The following CSMD3 variants were observed in gnomAD, a reference collection of about 807,000 sequenced individuals.
CSMD3 encodes the protein CUB and sushi domain-containing protein 3.
Under a neutral mutation model 435.2 loss-of-function variants are expected in CSMD3, and 177 were observed. That is an observed-to-expected ratio of 0.41 (90% CI 0.36 to 0.46). The LOEUF is 0.46. CSMD3 is among the 20% of genes least tolerant of loss of function. The probability of loss-of-function intolerance (pLI) is 0.34; values close to 1 mark genes in which losing one functional copy is unlikely to be tolerated. For missense variants in CSMD3, 4,265 were observed against 4,504.6 expected (o/e 0.95, Z 1.52); for synonymous variants, 1,656 against 1,520.5 (o/e 1.09, Z -2.07).
At chr8:113,242,155 T>A (rs919875486) in intron 3 of CSMD3, among the ~76,000 whole-genome samples, 1 of 151,792 alleles carries the variant, frequency 6.6e-6, no homozygotes, top group Admixed American at 6.6e-5. Flanking sequence ...AAATGATGAA[T>A]GCCAATAAAA....
chr8:112,411,308 A>G (rs1054459966), intron 32 of CSMD3, among the ~76,000 whole-genome samples: 8 of 151,890 alleles, frequency 5.3e-5, no homozygotes, highest in East Asian at 3.9e-4. Flanking sequence ...TTAAGTGTTA[A>G]TAATTTGTGC....
intron 12 of CSMD3, among the ~76,000 whole-genome samples, chr8:112,808,406 C>G (rs1275828268): frequency 6.6e-6 from 1 of 152,048 alleles, no homozygotes; most frequent in Non-Finnish European, 1.5e-5. Flanking sequence ...GAGAGCCGGA[C>G]AGACTCCATT....
At chr8:112,718,522 T>C (rs2076785822) in intron 13 of CSMD3, among the ~76,000 whole-genome samples, 2 of 150,238 alleles carry the variant, frequency 1.3e-5, no homozygotes, top group African/African-American at 4.9e-5. Flanking sequence ...TATGTATATA[T>C]ATATATATAT....
At chr8:112,419,063 A>G (rs1454451059) in intron 32 of CSMD3, among the ~76,000 whole-genome samples, 1 of 152,176 alleles carries the variant, frequency 6.6e-6, no homozygotes, top group East Asian at 1.9e-4. Flanking sequence ...AGTCTCATGC[A>G]TAAGGGATGA....
intron 3 of CSMD3, among the ~76,000 whole-genome samples, chr8:113,216,435 G>A (rs1216768333): frequency 1.3e-5 from 2 of 151,892 alleles, no homozygotes; most frequent in Non-Finnish European, 2.9e-5. Context: ...TGAGGTATGA[G>A]TGATGTTGTC....
chr8:112,378,592 T>C (rs1829177072), intron 38 of CSMD3, among the ~76,000 whole-genome samples: 1 of 152,236 alleles, frequency 6.6e-6, no homozygotes, highest in East Asian at 1.9e-4. Flanking sequence ...TTCTCACGCA[T>C]AGGTGGAAGC....
At chr8:112,891,963 T>C (rs920267492) in intron 10 of CSMD3, among the ~76,000 whole-genome samples, 2 of 151,492 alleles carry the variant, frequency 1.3e-5, no homozygotes, top group Non-Finnish European at 3.0e-5. Context: ...AATGTGGGAA[T>C]ATAAAATTAT....
At chr8:113,340,784 G>A (rs1054704091) in intron 1 of CSMD3, among the ~76,000 whole-genome samples, 17 of 151,800 alleles carry the variant, frequency 1.1e-4, no homozygotes, top group Middle Eastern at 3.4e-3. Context: ...CATGAGAATC[G>A]CTTGAGCTTG....
At chr8:112,723,875 T>C (rs1317401171) in intron 13 of CSMD3, among the ~76,000 whole-genome samples, 1 of 152,046 alleles carries the variant, frequency 6.6e-6, no homozygotes, top group African/African-American at 2.4e-5. Context: ...AATGCAGTTA[T>C]TTAATAAATA....
chr8:112,259,326 A>C (rs1162396030), intron 61 of CSMD3, among the ~76,000 whole-genome samples: 1 of 152,178 alleles, frequency 6.6e-6, no homozygotes, highest in African/African-American at 2.4e-5. Context: ...CATTCTCAGC[A>C]AACTAACACA....
intron 27 of CSMD3, among the ~76,000 whole-genome samples, chr8:112,537,727 G>A (rs191438164): frequency 3.7e-4 from 56 of 150,860 alleles, no homozygotes; most frequent in African/African-American, 1.3e-3. Context: ...GTTCAAAGTA[G>A]TAAAAAAAAA....
intron 2 of CSMD3, among the ~76,000 whole-genome samples, chr8:113,286,706 T>TA (rs143953579): frequency 0.13 from 18,936 of 146,856 alleles, 1,994 homozygotes; most frequent in African/African-American, 0.29. Context: ...TCTAAGAATG[T>TA]AAAAAAAAAA....
At chr8:112,353,587 T>A (rs1016260791) in intron 38 of CSMD3, among the ~76,000 whole-genome samples, 3 of 152,128 alleles carry the variant, frequency 2.0e-5, no homozygotes, top group Non-Finnish European at 4.4e-5. Context: ...CCTCCCAAGA[T>A]AGAATTTTTT....
chr8:112,790,413 T>G (rs2132285917), intron 13 of CSMD3, among the ~76,000 whole-genome samples: 1 of 151,766 alleles, frequency 6.6e-6, no homozygotes, highest in Non-Finnish European at 1.5e-5. Context: ...TGTTTCCAGT[T>G]TCAAAAAAAA....
intron 44 of CSMD3, among the ~76,000 whole-genome samples, chr8:112,336,269 T>C (rs1266356904): frequency 6.6e-6 from 1 of 152,176 alleles, no homozygotes; most frequent in Non-Finnish European, 1.5e-5. Context: ...ATTAAATTTT[T>C]ATGGCAGAAA....
At chr8:112,573,922 A>G (rs1264978912) in intron 23 of CSMD3, among the ~76,000 whole-genome samples, 11 of 151,946 alleles carry the variant, frequency 7.2e-5, no homozygotes, top group Admixed American at 7.2e-4. Context: ...TTATTTTAAA[A>G]ATGCTTTTTC....
chr8:112,883,400 T>C (rs1342401899), intron 10 of CSMD3, among the ~76,000 whole-genome samples: 1 of 151,970 alleles, frequency 6.6e-6, no homozygotes, highest in African/African-American at 2.4e-5. Flanking sequence ...GAAAACATAA[T>C]TGCAAACTGA....
chr8:113,233,792 C>G (rs1309799966), intron 3 of CSMD3, among the ~76,000 whole-genome samples: 1 of 151,884 alleles, frequency 6.6e-6, no homozygotes, highest in Admixed American at 6.6e-5. Flanking sequence ...AGGCAATAAG[C>G]ATAATTTTTT....
intron 12 of CSMD3, among the ~76,000 whole-genome samples, chr8:112,815,555 T>C (rs1159911826): frequency 6.6e-6 from 1 of 152,170 alleles, no homozygotes; most frequent in Non-Finnish European, 1.5e-5. Flanking sequence ...TGTTTATATA[T>C]TCTTTCTATA....
Sources: allele counts gnomAD v4.1 joint callset (sites outside exome capture counted in the v4.1 genomes callset), GRCh38; gene constraint gnomAD v4.1.1; transcripts MANE v1.5; gene names NCBI Gene and HGNC (gene_info 2026-07-23, HGNC 2026-07-21).